GIT2: variants seen among roughly 807,000 people sequenced by gnomAD.
GIT2 encodes GIT ArfGAP 2.
A neutral mutation model predicts 100.3 loss-of-function variants in GIT2; 32 were observed. The ratio of observed to expected loss-of-function variants is 0.32; its 90% CI spans 0.24 to 0.43. The LOEUF is 0.43. GIT2 is among the 20% of genes least tolerant of loss of function. The probability of loss-of-function intolerance (pLI) is 1.00; values close to 1 mark genes in which losing one functional copy is unlikely to be tolerated. For synonymous variants in GIT2, 353 were observed against 364.1 expected (o/e 0.97, Z 0.35); for missense variants, 737 against 975.1 (o/e 0.76, Z 3.25).
Position 109,980,935 on chromosome 12 carries a change from A to G in GIT2, c.718+17T>C. On this transcript the variant is annotated intron_variant, in intron 7 of 19. Transcript: ENST00000355312. ...TCCCAACTGGAGATGTGAAACGGTC[A>G]TTCTCCATCCACTCACCTGGTTTCC... 1 of 1,483,158 alleles carries G rather than the reference A, an allele frequency of 6.7e-7. No homozygotes were observed. Among genetic ancestry groups the G allele is most frequent in the Non-Finnish European group, 9.4e-7 (1 of 1,060,022 alleles). The allele number at this position is 1,483,158 out of a possible 1,614,324, so 91.9% of individuals were successfully genotyped here. A position where few individuals can be genotyped will look rare whatever the true frequency, so the allele number is the denominator to read the frequency against.
rs765184633 is a variant in GIT2 at position 109,945,333 on chromosome 12, A to C, written c.1658T>G (p.Leu553Arg). ...PFPAHIGRSA[L>R]VTSSSSLPSF... ...AGGCAGAGATGAAGAGGAGGTCACA[A>C]GTGCACTCCTCCCGATCTGGAATGG... Residue 553 changes from leucine to arginine, a missense_variant, in exon 16 of 20, where the codon CTT (leucine) becomes CGT (arginine). Transcript: ENST00000355312. The C allele has an allele frequency of 1.1e-5, 17 of 1,546,022 alleles. No homozygotes were observed. The highest frequency in any genetic ancestry group is 1.7e-5 in the Admixed American group (1 of 59,760).
intron 1 of GIT2, among the ~76,000 whole-genome samples, chr12:109,992,979 T>C (rs917624190): frequency 8.6e-5 from 13 of 151,866 alleles, no homozygotes; most frequent in Admixed American, 6.6e-4. Flanking sequence ...GCCAATTAAT[T>C]GTTTTACATA....
At chr12:109,996,950 G>A (rs534614346), upstream of GIT2, among the ~76,000 whole-genome samples, 9 of 151,806 alleles carry the variant, frequency 5.9e-5, no homozygotes, top group Non-Finnish European at 1.2e-4. Context: ...GGTGGCTCAC[G>A]CCTGTAATCC....
Position 109,961,643 on chromosome 12 carries a change from C to T in GIT2, c.859G>A (p.Asp287Asn), listed in dbSNP as rs746588594. 1.9e-6 allele frequency: 3 copies of T among 1,607,628 alleles called. No individual in the cohort carries two copies. The highest frequency in any genetic ancestry group is 1.7e-5 in the Admixed American group (1 of 60,014). The change falls in exon 10 of 20, where the codon GAT becomes AAT. Residue 287 changes from aspartate to asparagine, a missense_variant. Asp to Asn is a conservative substitution (Grantham distance 23). This residue lies in a region of GIT2 where 266 missense variants were observed against 376.2 expected (regional missense o/e 0.71). Transcript: ENST00000355312. Reference protein sequence around the residue: ...LFEELAMDVYDEVDRRETDAV... With the variant: ...LFEELAMDVYNEVDRRETDAV... Reference sequence around the variant, plus strand: ...TCCGTCTCTCGCCTGTCAACTTCATCGTACACATCCATGGCAAGTTCTTCA... The same window carrying T: ...TCCGTCTCTCGCCTGTCAACTTCATTGTACACATCCATGGCAAGTTCTTCA...
At chr12:109,939,677 TA>T (rs1555222483) in intron 16 of GIT2, 1 of 135,482 alleles carries the variant, frequency 7.4e-6, no homozygotes, top group Non-Finnish European at 1.6e-5. Context: ...ATTTAAAAAA[TA>T]AATAAAATAA....
At chr12:109,996,465 A>C (rs1208633917), upstream of GIT2, 9 of 501,578 alleles carry the variant, frequency 1.8e-5, no homozygotes, top group South Asian at 5.3e-5. Flanking sequence ...AGGGCAGGAG[A>C]CTGCCCGAGT....
intron 7 of GIT2, among the ~76,000 whole-genome samples, chr12:109,972,954 C>T (rs968336382): frequency 2.0e-5 from 3 of 152,078 alleles, no homozygotes; most frequent in African/African-American, 7.2e-5. Flanking sequence ...TCCAGAGTAA[C>T]TGGGACTACA....
intron 8 of GIT2, chr12:109,967,252 C>A: frequency 8.3e-7 from 1 of 1,203,190 alleles, no homozygotes; most frequent in African/African-American, 1.5e-5. Flanking sequence ...TTCAATTTTC[C>A]TATTAGTAAA....
At chr12:109,993,942 T>C (rs1367252314) in intron 1 of GIT2, among the ~76,000 whole-genome samples, 1 of 151,996 alleles carries the variant, frequency 6.6e-6, no homozygotes, top group Non-Finnish European at 1.5e-5. Flanking sequence ...ATCAAAATAA[T>C]TCAATTTAGT....
chr12:109,954,896 C>CAAA (rs1158089528), intron 12 of GIT2, among the ~76,000 whole-genome samples: 1 of 105,178 alleles, frequency 9.5e-6, no homozygotes, highest in African/African-American at 3.3e-5. Flanking sequence ...GACTCTGTCT[C>CAAA]AAAAAAAAAA....
In GIT2 at chr12:109,940,810, C is replaced by T. The variant is rs145206923; in HGVS notation, c.1732-1563G>A. ...GAGATGATCTCTTGAGCCTAGGAGG[C>T]GGAGGTTGCAGTGAGATGAGATCGT... On this transcript the variant is annotated intron_variant, in intron 16 of 19. Transcript: ENST00000355312. Among the ~76,000 whole-genome samples, 310 of 151,206 alleles carry T rather than the reference C, an allele frequency of 2.1e-3. 1 individual carries two copies. Among genetic ancestry groups the T allele is most frequent in the East Asian group, 0.011 (54 of 5,122 alleles).
intron 18 of GIT2, among the ~76,000 whole-genome samples, chr12:109,935,301 G>A (rs1194487325): frequency 6.6e-6 from 1 of 152,104 alleles, no homozygotes; most frequent in Non-Finnish European, 1.5e-5. Context: ...TTCAGAAAGA[G>A]AAAAAAGCAA....
upstream of GIT2, among the ~76,000 whole-genome samples, chr12:109,996,544 C>T (rs749457775): frequency 6.6e-6 from 1 of 152,246 alleles, no homozygotes; most frequent in Non-Finnish European, 1.5e-5. Context: ...CTCGTCCCAA[C>T]TGATTAATAC....
In GIT2 at chr12:109,967,647, T is replaced by C. The variant is rs552258533; in HGVS notation, c.719-144A>G. On this transcript the variant is annotated intron_variant, in intron 7 of 19. Transcript: ENST00000355312. The stretch of plus-strand genomic sequence containing the variant: ...GTCATGTTGCTAGACTAGCTAAAAA[T>C]TCCTGAAGACCCAGCTAGTAGTAAG... 4.0e-4 allele frequency: 262 copies of C among 655,730 alleles called. 1 individual carries two copies. The highest frequency in any genetic ancestry group is 8.4e-4 in the Middle Eastern group (2 of 2,388). The allele number at this position is 655,730 out of a possible 1,614,324, so 40.6% of individuals were successfully genotyped here.
At chr12:109,967,776 C>T (rs965862169) in intron 7 of GIT2, among the ~76,000 whole-genome samples, 4 of 152,188 alleles carry the variant, frequency 2.6e-5, no homozygotes, top group African/African-American at 9.7e-5. Flanking sequence ...GTGTAACTGA[C>T]GATCTTTGGC....
Position 109,961,694 on chromosome 12 carries a change from A to C in GIT2, c.817-9T>G. On this transcript the variant is annotated splice_polypyrimidine_tract_variant and intron_variant, in intron 9 of 19. Coordinates refer to ENST00000355312, the MANE Select transcript of GIT2 (RefSeq NM_057169.5). ...AACAAATGATTACTTAGCTGAAAAT[A>C]AAAAATATCAGGAACACAAGGGACA... 1 of 1,515,732 alleles carries C rather than the reference A, an allele frequency of 6.6e-7. No homozygotes were observed. Among genetic ancestry groups the C allele is most frequent in the South Asian group, 1.1e-5 (1 of 89,074 alleles). 93.9% of individuals were successfully genotyped at this position (1,515,732 alleles called of 1,614,324 possible). A position where few individuals can be genotyped will look rare whatever the true frequency, so the allele number is the denominator to read the frequency against.
At chr12:109,968,683 A>C (rs1254072636) in intron 7 of GIT2, among the ~76,000 whole-genome samples, 1 of 152,006 alleles carries the variant, frequency 6.6e-6, no homozygotes, top group Non-Finnish European at 1.5e-5. Flanking sequence ...TCGGCCTCCC[A>C]AAGTGCTGGG....
At chr12:109,955,916 T>C (rs1024248055) in intron 12 of GIT2, among the ~76,000 whole-genome samples, 1 of 150,914 alleles carries the variant, frequency 6.6e-6, no homozygotes, top group Non-Finnish European at 1.5e-5. Context: ...GGCCTTGCTA[T>C]GTTGTTCAGG....
chr12:109,958,247 A>C (rs1880089506), intron 12 of GIT2, among the ~76,000 whole-genome samples: 1 of 145,788 alleles, frequency 6.9e-6, no homozygotes, highest in South Asian at 2.2e-4. Context: ...CCTGGCCCCC[A>C]ATTTTTTTTT....
Sources: allele counts gnomAD v4.1 joint callset (sites outside exome capture counted in the v4.1 genomes callset), GRCh38; gene constraint gnomAD v4.1.1; regional missense constraint gnomAD v4.1.1; transcripts MANE v1.5; gene names NCBI Gene and HGNC (gene_info 2026-07-23, HGNC 2026-07-21).